Variants in SIK2 observed in about 807,000 individuals in gnomAD.
SIK2 encodes the protein salt inducible kinase 2.
A neutral mutation model predicts 103.2 loss-of-function variants in SIK2; 29 were observed. That is an observed-to-expected ratio of 0.28 (90% CI 0.21 to 0.38). The LOEUF (loss-of-function observed/expected upper bound fraction) is 0.38. Ranked by LOEUF, SIK2 falls within the 10% of genes least tolerant of loss-of-function variation. The pLI is 1.00. For synonymous variants in SIK2, 412 were observed against 446.1 expected, an observed-to-expected ratio of 0.92 and a Z score of 0.96; for missense variants, 879 against 1,171.0, an observed-to-expected ratio of 0.75 and a Z score of 3.64.
At chr11:111,718,296 C>A (rs1943705316) in intron 9 of SIK2, among the ~76,000 whole-genome samples, 1 of 152,128 alleles carries the variant, frequency 6.6e-6, no homozygotes, top group Admixed American at 6.5e-5. Flanking sequence ...AGTTCTCAAA[C>A]AGCCATTCTT....
At chr11:111,604,280 C>T (rs1322041142) in intron 1 of SIK2, among the ~76,000 whole-genome samples, 1 of 152,248 alleles carries the variant, frequency 6.6e-6, no homozygotes, top group Non-Finnish European at 1.5e-5. Flanking sequence ...ATTTTAAATG[C>T]ATGTTTTATG....
chr11:111,628,570 TGTG>T (rs1941997098), intron 3 of SIK2, among the ~76,000 whole-genome samples: 1 of 151,808 alleles, frequency 6.6e-6, no homozygotes. Context: ...GGACTACAAG[TGTG>T]TGCCACCATG....
intron 1 of SIK2, among the ~76,000 whole-genome samples, chr11:111,616,004 A>T (rs529752100): frequency 6.6e-6 from 1 of 152,340 alleles, no homozygotes; most frequent in African/African-American, 2.4e-5. Flanking sequence ...TGAAAGAGAA[A>T]CATGTTTTCA....
intron 1 of SIK2, among the ~76,000 whole-genome samples, chr11:111,610,350 C>T (rs1353549755): frequency 1.3e-5 from 2 of 151,852 alleles, no homozygotes; most frequent in Admixed American, 6.6e-5. Context: ...ATTAGCCTGG[C>T]GTGGTGGTGC....
At chr11:111,682,366 A>G (rs1265701735) in intron 3 of SIK2, among the ~76,000 whole-genome samples, 5 of 152,174 alleles carry the variant, frequency 3.3e-5, no homozygotes, top group Non-Finnish European at 7.4e-5. Context: ...GAGTAAGGGT[A>G]CTGTTCCAGC....
intron 2 of SIK2, among the ~76,000 whole-genome samples, chr11:111,617,495 T>G (rs1941823623): frequency 1.3e-5 from 2 of 152,204 alleles, no homozygotes; most frequent in African/African-American, 2.4e-5. Flanking sequence ...GAGAGCTGGT[T>G]GTTAAACTTT....
At chr11:111,690,493 G>A (rs1397782586) in intron 4 of SIK2, among the ~76,000 whole-genome samples, 1 of 151,266 alleles carries the variant, frequency 6.6e-6, no homozygotes, top group East Asian at 1.9e-4. Flanking sequence ...TGCTGAATGT[G>A]CAGCTTTGTT....
rs1222386453 is a variant in SIK2 at position 111,701,553 on chromosome 11, G to A, written c.705G>A (p.Arg235=). Residue 235 remains arginine, a synonymous_variant, in exon 6 of 15, where the codon CGG becomes CGA. Transcript: ENST00000304987. This position sits in a 1 kb window ranked among gnomAD's most constrained non-coding sequence, Gnocchi z 4.2. ...AGAGGGTTCTGGAAGGAAGATTCCGGATTCCGTATTTCATGTCAGAAGGTA... is the reference window on the plus strand; with the variant it reads ...AGAGGGTTCTGGAAGGAAGATTCCGAATTCCGTATTTCATGTCAGAAGGTA... ...LRQRVLEGRF[R]IPYFMSEDCE... is the part of the protein sequence containing the mutation. The A allele has an allele frequency of 1.9e-6, 3 of 1,613,800 alleles. No individual in the cohort carries two copies. The highest frequency in any genetic ancestry group is 2.5e-6 in the Non-Finnish European group (3 of 1,179,778).
At chr11:111,710,887 C>G (rs1289517568) in intron 8 of SIK2, among the ~76,000 whole-genome samples, 5 of 152,212 alleles carry the variant, frequency 3.3e-5, no homozygotes, top group African/African-American at 1.2e-4. Flanking sequence ...AATTCACCAT[C>G]CTGTATCCCT....
Position 111,717,317 on chromosome 11 carries a change from C to CAAAAAAA in SIK2, c.1267-2438_1267-2432dup, listed in dbSNP as rs34473568. ...TGGGCGACAGAGCGAGACTCCGTCT[C>CAAAAAAA]AAAAAAAAAAAAAAAAAAAAAAAAA... On this transcript the variant is annotated intron_variant, in intron 9 of 14. Coordinates refer to ENST00000304987, the MANE Select transcript of SIK2 (RefSeq NM_015191.3). Among the ~76,000 whole-genome samples, 4 of 49,466 alleles carry CAAAAAAA rather than the reference C, an allele frequency of 8.1e-5. 1 individual carries two copies. The highest frequency in any genetic ancestry group is 1.5e-4 in the African/African-American group (2 of 13,636). 32.5% of individuals were successfully genotyped at this position (49,466 alleles called of 152,430 possible).
At chr11:111,687,716 C>G (rs566652470) in intron 3 of SIK2, among the ~76,000 whole-genome samples, 4 of 151,450 alleles carry the variant, frequency 2.6e-5, no homozygotes, top group African/African-American at 9.7e-5. Context: ...CACCATTCTC[C>G]TGCCTCAGCC....
In SIK2 at chr11:111,721,943, G is replaced by T. The variant is rs753153064; in HGVS notation, c.2055+3G>T. The T allele has an allele frequency of 1.6e-5, 25 of 1,587,736 alleles. No homozygotes were observed. In the South Asian group the frequency reaches 2.7e-4, roughly 17 times the overall value. On this transcript the variant is annotated splice_donor_region_variant and intron_variant, in intron 13 of 14. Transcript: ENST00000304987. Reference sequence around the variant, plus strand: ...AGTACCTGCAGCACAGACTCCAGGTGGGTCCTTCTCCTTGCGAGTCCACCT... The same window carrying T: ...AGTACCTGCAGCACAGACTCCAGGTTGGTCCTTCTCCTTGCGAGTCCACCT...
Position 111,721,829 on chromosome 11 carries a change from G to T in SIK2, c.1945-1G>T. 1 of 1,605,102 alleles carries T rather than the reference G, an allele frequency of 6.2e-7. No individual in the cohort carries two copies. The highest frequency in any genetic ancestry group is 8.5e-7 in the Non-Finnish European group (1 of 1,176,096). ...ATTGTTTCCACCCCCTTGCTCCTCA[G>T]GAAGAAGTTTCTCAGCAGCAGGAAA... On this transcript the variant is annotated splice_acceptor_variant, in intron 12 of 14. Coordinates refer to ENST00000304987, the MANE Select transcript of SIK2 (RefSeq NM_015191.3). LOFTEE classifies it high-confidence loss of function.
chr11:111,642,378 T>C (rs1443285981), intron 3 of SIK2, among the ~76,000 whole-genome samples: 1 of 152,070 alleles, frequency 6.6e-6, no homozygotes, highest in East Asian at 1.9e-4. Flanking sequence ...TCTACTCAGG[T>C]TCTATAATTT....
In SIK2 at chr11:111,610,991, A is replaced by G. The variant is rs1332742765; in HGVS notation, c.136-5252A>G. Among the ~76,000 whole-genome samples the G allele has an allele frequency of 2.0e-5, 3 of 152,112 alleles. No homozygotes were observed. The East Asian group carries it at 5.8e-4, about 29-fold the overall frequency. ...CTGGGTGAGGTGGCTCACACCAGTA[A>G]TCCCATACTTTTTGGAGGCCAAGGC... On this transcript the variant is annotated intron_variant, in intron 1 of 14. Coordinates refer to ENST00000304987, the MANE Select transcript of SIK2 (RefSeq NM_015191.3).
intron 3 of SIK2, among the ~76,000 whole-genome samples, chr11:111,658,508 C>T (rs191231792): frequency 6.7e-4 from 102 of 152,176 alleles, no homozygotes; most frequent in Non-Finnish European, 1.1e-3. Flanking sequence ...TTTGGGAGGC[C>T]GAGGCAGGCA....
intron 3 of SIK2, among the ~76,000 whole-genome samples, chr11:111,628,687 A>G (rs993778597): frequency 2.0e-5 from 3 of 152,170 alleles, no homozygotes; most frequent in Admixed American, 6.5e-5. Flanking sequence ...TCAGCCTCCC[A>G]AAGCACTGGA....
At chr11:111,673,061 C>T (rs1194183941) in intron 3 of SIK2, among the ~76,000 whole-genome samples, 2 of 152,206 alleles carry the variant, frequency 1.3e-5, no homozygotes, top group Admixed American at 1.3e-4. Flanking sequence ...AGACTAACCA[C>T]TTAAACCACC....
At chr11:111,716,036 A>G (rs1317275544) in intron 9 of SIK2, among the ~76,000 whole-genome samples, 1 of 152,064 alleles carries the variant, frequency 6.6e-6, no homozygotes, top group African/African-American at 2.4e-5. Flanking sequence ...TCCTGTCCTC[A>G]GGTGATCTGC....
Sources: gnomAD v4.1 joint callset for allele counts (sites outside exome capture counted in the v4.1 genomes callset) on GRCh38, gnomAD v4.1.1 for gene constraint, Gnocchi (gnomAD v3.1) non-coding constraint, MANE v1.5 for transcripts, NCBI Gene and HGNC (gene_info 2026-07-23, HGNC 2026-07-21) for gene names.